BRWD1: variants seen among roughly 807,000 people sequenced by gnomAD.
BRWD1 encodes bromodomain and WD repeat domain containing 1.
In BRWD1, 82 loss-of-function variants were observed where a neutral mutation model predicts 251.2. That is an observed-to-expected ratio of 0.33 (90% CI 0.27 to 0.39). The LOEUF is 0.39. Among genes scored for constraint, BRWD1 ranks in the 10% least tolerant of loss-of-function variants. The pLI, the probability that BRWD1 is intolerant of heterozygous loss-of-function variation, is 1.00. For synonymous variants in BRWD1, 918 were observed against 902.8 expected, an observed-to-expected ratio of 1.02 and a Z score of -0.30; for missense variants, 2,233 against 2,711.6, an observed-to-expected ratio of 0.82 and a Z score of 3.92.
Position 39,264,907 on chromosome 21 carries a change from C to T in BRWD1, c.1643G>A (p.Ser548Asn). 1 of 1,613,066 alleles carries T rather than the reference C, an allele frequency of 6.2e-7. No individual in the cohort carries two copies. The highest frequency in any genetic ancestry group is 8.5e-7 in the Non-Finnish European group (1 of 1,179,706). ...AAAAATGACCTTTTCATATGGTTTG[C>T]TGCATCCAAAACCAAATATCAGAAG... ...GHLLIFGFGC[S>N]KPYEKIPDQM... The change falls in exon 16 of 41, where the codon AGC becomes AAC. Residue 548 changes from serine (S) to asparagine (N), a missense_variant. Transcript: ENST00000342449.
At chr21:39,200,965 CAGAA>C (rs2032079408) in intron 38 of BRWD1, among the ~76,000 whole-genome samples, 1 of 152,156 alleles carries the variant, frequency 6.6e-6, no homozygotes, top group African/African-American at 2.4e-5. Context: ...GCCTGGGCGA[CAGAA>C]AGAGACTCTG....
intron 5 of BRWD1, 26 bp from the exon 6 acceptor site, chr21:39,296,389 T>C: frequency 6.5e-7 from 1 of 1,533,400 alleles, no homozygotes; most frequent in South Asian, 1.3e-5. Flanking sequence ...TAGATACACA[T>C]AAAATCTTGA....
At chr21:39,210,257 G>C in intron 35 of BRWD1, 110 bp from the exon 36 acceptor site, 2 of 607,548 alleles carry the variant, frequency 3.3e-6, no homozygotes, top group Non-Finnish European at 5.4e-6. Context: ...GAAAAGGTTA[G>C]AGGACTCTTA....
chr21:39,314,366 G>A (rs1489418474), upstream of BRWD1: 1 of 455,474 alleles, frequency 2.2e-6, no homozygotes, highest in South Asian at 1.6e-5. Context: ...GTGCGAGTCG[G>A]GGGAGCAGCG....
intron 23 of BRWD1, among the ~76,000 whole-genome samples, chr21:39,234,295 G>C (rs543684621): frequency 5.8e-4 from 88 of 152,294 alleles, no homozygotes; most frequent in Middle Eastern, 6.8e-3. Flanking sequence ...GTACAATACA[G>C]AAGGAGCTTA....
At position 39,191,557 on chromosome 21, in the gene BRWD1, T is replaced by C; in HGVS notation, c.*4702A>G. ...AAAACTAAAGATCTGCTTGACAGGCTCATGTAATTTTTTGATTGGGATTTT... is the reference window on the plus strand; with the variant it reads ...AAAACTAAAGATCTGCTTGACAGGCCCATGTAATTTTTTGATTGGGATTTT... On this transcript the variant is annotated 3_prime_UTR_variant, in exon 41 of 41. Transcript: ENST00000342449. 1 of 983,688 alleles carries C rather than the reference T, an allele frequency of 1.0e-6. No homozygotes were observed. Among genetic ancestry groups the C allele is most frequent in the Non-Finnish European group, 1.2e-6 (1 of 828,388 alleles). The allele number at this position is 983,688 out of a possible 1,614,324, so 60.9% of individuals were successfully genotyped here.
chr21:39,264,867 C>T (rs1453168811), intron 16 of BRWD1, 24 bp downstream of exon 16: 3 of 1,606,366 alleles, frequency 1.9e-6, no homozygotes, highest in Non-Finnish European at 2.5e-6. Flanking sequence ...TACTTGCATG[C>T]TACAACAAAG....
At chr21:39,318,151 C>T (rs1235375632), upstream of BRWD1, among the ~76,000 whole-genome samples, 1 of 152,130 alleles carries the variant, frequency 6.6e-6, no homozygotes, top group East Asian at 1.9e-4. Context: ...AAATAAAATT[C>T]AGTAAGGCCT....
At chr21:39,313,969 G>A (rs1030780380), upstream of BRWD1, 8 of 392,780 alleles carry the variant, frequency 2.0e-5, no homozygotes, top group African/African-American at 6.5e-5. Context: ...GCGGCCACAA[G>A]AGGGGGCGAT....
In BRWD1 at chr21:39,193,328, G is replaced by A. The variant is rs2031649636; in HGVS notation, c.*2931C>T. On this transcript the variant is annotated 3_prime_UTR_variant, in exon 41 of 41. Coordinates refer to ENST00000342449, the MANE Select transcript of BRWD1 (RefSeq NM_033656.4). The stretch of plus-strand genomic sequence containing the variant: ...GATATTTGCCACTTACAAAAAGGGA[G>A]GCTGACCTTAGGAATTATTTGAATA... The A allele has an allele frequency of 2.0e-6, 2 of 985,024 alleles. No individual in the cohort carries two copies. Among genetic ancestry groups the A allele is most frequent in the Non-Finnish European group, 2.4e-6 (2 of 829,666 alleles). The allele number at this position is 985,024 out of a possible 1,614,324, so 61.0% of individuals were successfully genotyped here. A position where few individuals can be genotyped will look rare whatever the true frequency, so the allele number is the denominator to read the frequency against.
At position 39,195,802 on chromosome 21, in the gene BRWD1, T is replaced by C. The variant is rs1466053562; in HGVS notation, c.*457A>G. Reference sequence around the variant, plus strand: ...ATCATGGTTACACCTCCCATGATTATAGTGTCAGTATGCATGTATTTATGA... The same window carrying C: ...ATCATGGTTACACCTCCCATGATTACAGTGTCAGTATGCATGTATTTATGA... On this transcript the variant is annotated 3_prime_UTR_variant, in exon 41 of 41. Coordinates refer to ENST00000342449, the MANE Select transcript of BRWD1 (RefSeq NM_033656.4). The C allele has an allele frequency of 1.0e-6, 1 of 986,256 alleles. No individual in the cohort carries two copies. Among genetic ancestry groups the C allele is most frequent in the African/African-American group, 1.7e-5 (1 of 57,192 alleles). 61.1% of individuals were successfully genotyped at this position (986,256 alleles called of 1,614,324 possible).
At position 39,189,228 on chromosome 21, in the gene BRWD1, C is replaced by T; in HGVS notation, c.*7031G>A. On this transcript the variant is annotated 3_prime_UTR_variant, in exon 41 of 41. Transcript: ENST00000342449. ...ATGAGAATATACTATTATCAACTAGCTGCACCATTTGCATTTGGAAGAAAA... is the reference window on the plus strand; with the variant it reads ...ATGAGAATATACTATTATCAACTAGTTGCACCATTTGCATTTGGAAGAAAA... 1 of 985,166 alleles carries T rather than the reference C, an allele frequency of 1.0e-6. No homozygotes were observed. Among genetic ancestry groups the T allele is most frequent in the Non-Finnish European group, 1.2e-6 (1 of 829,700 alleles). The allele number at this position is 985,166 out of a possible 1,614,324, so 61.0% of individuals were successfully genotyped here.
At chr21:39,282,514 A>G (rs2035501493) in intron 8 of BRWD1, among the ~76,000 whole-genome samples, 1 of 152,200 alleles carries the variant, frequency 6.6e-6, no homozygotes, top group Admixed American at 6.5e-5. Flanking sequence ...ATTAAAATTG[A>G]AGATTCTTTT....
At chr21:39,275,474 T>G (rs1441343581) in intron 12 of BRWD1, among the ~76,000 whole-genome samples, 1 of 152,220 alleles carries the variant, frequency 6.6e-6, no homozygotes, top group Non-Finnish European at 1.5e-5. Flanking sequence ...TCATGTGTTC[T>G]TCCCCCAACC....
In BRWD1 at chr21:39,196,904, A is replaced by G; in HGVS notation, c.6165T>C (p.Asp2055=). 1 of 1,613,876 alleles carries G rather than the reference A, an allele frequency of 6.2e-7. No individual in the cohort carries two copies. Among genetic ancestry groups the G allele is most frequent in the South Asian group, 1.1e-5 (1 of 91,082 alleles). Residue 2055 remains aspartate (D), a synonymous_variant, in exon 41 of 41, where the codon GAT becomes GAC. Coordinates refer to ENST00000342449, the MANE Select transcript of BRWD1 (RefSeq NM_033656.4). ...CACTCCCTGGAATATGACTTTTTGA[A>G]TCTTCTCCTGAAGATGTAACAGAGG... ...KSSSVTSSGE[D]SKSHIPGSET... is the part of the protein sequence containing the mutation.
At chr21:39,264,428 TAAAAAAA>T (rs33939736) in intron 17 of BRWD1, 25 bp downstream of exon 17, 15 of 1,161,246 alleles carry the variant, frequency 1.3e-5, no homozygotes, top group South Asian at 5.1e-5. Context: ...AGTACAACTT[TAAAAAAA>T]AAAAAAAAAA....
intron 20 of BRWD1, among the ~76,000 whole-genome samples, chr21:39,248,641 C>CAAAAAAAAAAAAAAAAAA (rs375430016): frequency 1.2e-5 from 1 of 83,300 alleles, no homozygotes; most frequent in Non-Finnish European, 2.3e-5. Flanking sequence ...CCCTATCTCC[C>CAAAAAAAAAAAAAAAAAA]AAAAAAAAAA....
intron 8 of BRWD1, among the ~76,000 whole-genome samples, chr21:39,288,598 C>T (rs767523086): frequency 1.3e-5 from 2 of 152,188 alleles, no homozygotes; most frequent in Non-Finnish European, 2.9e-5. Flanking sequence ...AAAATCCACA[C>T]GTAACTTCTG....
intron 4 of BRWD1, among the ~76,000 whole-genome samples, chr21:39,311,178 A>T (rs568950333): frequency 2.3e-3 from 344 of 151,606 alleles, no homozygotes; most frequent in African/African-American, 5.7e-3. Flanking sequence ...TTTTTTTTTT[A>T]AAAAAAAGAA....
Sources: gnomAD v4.1 joint callset for allele counts (sites outside exome capture counted in the v4.1 genomes callset) on GRCh38, gnomAD v4.1.1 for gene constraint, MANE v1.5 for transcripts, NCBI Gene and HGNC (gene_info 2026-07-23, HGNC 2026-07-21) for gene names.